SLC24A4: variants seen among roughly 807,000 people sequenced by gnomAD.
SLC24A4 encodes sodium/potassium/calcium exchanger 4.
A neutral mutation model predicts 79.0 loss-of-function variants in SLC24A4; 53 were observed. The observed-to-expected ratio is 0.67, with a 90% CI of 0.54 to 0.84. The LOEUF (loss-of-function observed/expected upper bound fraction) is 0.84. SLC24A4 is among the 40% of genes least tolerant of loss of function. SLC24A4 has a pLI of 0.00. For synonymous variants in SLC24A4, 323 were observed against 323.8 expected, an observed-to-expected ratio of 1.00 and a Z score of 0.03; for missense variants, 731 against 822.0, an observed-to-expected ratio of 0.89 and a Z score of 1.35.
chr14:92,338,694 T>C (rs1566695415), intron 2 of SLC24A4, among the ~76,000 whole-genome samples: 2 of 152,158 alleles, frequency 1.3e-5, no homozygotes, highest in African/African-American at 2.4e-5. Flanking sequence ...ACCTAAGATA[T>C]CTGTTTACTA....
At chr14:92,355,922 T>G (rs1005597342) in intron 2 of SLC24A4, among the ~76,000 whole-genome samples, 7 of 152,214 alleles carry the variant, frequency 4.6e-5, no homozygotes, top group Admixed American at 4.6e-4. Context: ...CTGGAAGGTC[T>G]GAGGGCTGAG....
intron 2 of SLC24A4, among the ~76,000 whole-genome samples, chr14:92,382,588 A>G (rs569419029): frequency 1.3e-3 from 199 of 152,254 alleles, no homozygotes; most frequent in African/African-American, 4.7e-3. Context: ...CCCACACCCT[A>G]TGAGGTCGGT....
chr14:92,414,681 A>G (rs1890887440), intron 2 of SLC24A4, among the ~76,000 whole-genome samples: 1 of 152,210 alleles, frequency 6.6e-6, no homozygotes, highest in Non-Finnish European at 1.5e-5. Flanking sequence ...TTGAGGCTGC[A>G]GTGAGCTGTG....
upstream of SLC24A4, chr14:92,323,048 G>C (rs895221404): frequency 6.6e-6 from 1 of 152,314 alleles, no homozygotes; most frequent in Non-Finnish European, 1.5e-5. The surrounding 1 kb of genome is among the most constrained non-coding windows in gnomAD (Gnocchi z 4.9). Context: ...AAGAGTGCAC[G>C]GGGGAGTGCG....
chr14:92,357,157 T>G (rs980582334), intron 2 of SLC24A4, among the ~76,000 whole-genome samples: 1 of 152,216 alleles, frequency 6.6e-6, no homozygotes, highest in Admixed American at 6.5e-5. Flanking sequence ...AACTTGATGT[T>G]TCATTCTTCC....
chr14:92,418,282 C>T (rs73337476), intron 2 of SLC24A4, among the ~76,000 whole-genome samples: 14,371 of 152,164 alleles, frequency 0.094, 1,140 homozygotes, highest in African/African-American at 0.2. Flanking sequence ...CCCTGGCTCA[C>T]GGCTGTGAGG....
intron 2 of SLC24A4, among the ~76,000 whole-genome samples, chr14:92,412,325 G>A (rs536119090): frequency 6.6e-6 from 1 of 152,294 alleles, no homozygotes; most frequent in East Asian, 1.9e-4. Context: ...GGTTGTTTGT[G>A]TGGGACCAGC....
At chr14:92,361,240 G>A (rs1408791115) in intron 2 of SLC24A4, among the ~76,000 whole-genome samples, 4 of 151,374 alleles carry the variant, frequency 2.6e-5, no homozygotes, top group Non-Finnish European at 5.9e-5. Flanking sequence ...GCTGAAGATA[G>A]CATTTGAAAA....
At chr14:92,377,237 A>C (rs757042604) in intron 2 of SLC24A4, among the ~76,000 whole-genome samples, 2 of 152,194 alleles carry the variant, frequency 1.3e-5, no homozygotes, top group South Asian at 4.1e-4. Context: ...AGAATTATAC[A>C]TGTCAAGGCC....
intron 2 of SLC24A4, among the ~76,000 whole-genome samples, chr14:92,371,744 C>A (rs1228427075): frequency 6.6e-6 from 1 of 152,190 alleles, no homozygotes; most frequent in Non-Finnish European, 1.5e-5. Flanking sequence ...AGACAAAGAA[C>A]CTTAAATGTC....
chr14:92,477,996 A>G (rs564516211), intron 12 of SLC24A4, among the ~76,000 whole-genome samples: 2 of 150,634 alleles, frequency 1.3e-5, no homozygotes, highest in East Asian at 4.0e-4. Flanking sequence ...TAGTAGAGAC[A>G]GGGTTTCACC....
intron 12 of SLC24A4, among the ~76,000 whole-genome samples, chr14:92,476,287 G>T (rs368866361): frequency 6.6e-6 from 1 of 152,296 alleles, no homozygotes; most frequent in South Asian, 2.1e-4. Flanking sequence ...AGAGAAGAAC[G>T]TGGAATTTTG....
chr14:92,335,336 T>TTTTTTGTTTTTG (rs57448091), intron 2 of SLC24A4, among the ~76,000 whole-genome samples: 2 of 151,262 alleles, frequency 1.3e-5, no homozygotes, highest in Non-Finnish European at 2.9e-5. Flanking sequence ...CATGCCATGT[T>TTTTTTGTTTTTG]TTTTTGTTTT....
intron 2 of SLC24A4, among the ~76,000 whole-genome samples, chr14:92,395,761 G>C (rs1184550984): frequency 6.6e-6 from 1 of 152,154 alleles, no homozygotes; most frequent in Non-Finnish European, 1.5e-5. Flanking sequence ...GAGGAAGCAT[G>C]CTTTAGGGGT....
chr14:92,450,365 G>A (rs1893065414), intron 10 of SLC24A4: 1 of 143,312 alleles, frequency 7.0e-6, no homozygotes, highest in African/African-American at 2.6e-5. Context: ...CCTGTCTCAG[G>A]TAACCCCCAA....
intron 2 of SLC24A4, among the ~76,000 whole-genome samples, chr14:92,344,932 A>T (rs941439029): frequency 6.6e-6 from 1 of 152,170 alleles, no homozygotes; most frequent in African/African-American, 2.4e-5. Flanking sequence ...TAAATGTAAG[A>T]TGTCTGGAGA....
Position 92,484,718 on chromosome 14 carries a change from T to C in SLC24A4, c.1422+1872T>C, listed in dbSNP as rs1895260758. 5.1e-6 allele frequency: 5 copies of C among 985,290 alleles called. No homozygotes were observed. The Admixed American group carries it at 3.1e-4, about 61-fold the overall frequency. The allele number at this position is 985,290 out of a possible 1,614,324, so 61.0% of individuals were successfully genotyped here. On this transcript the variant is annotated intron_variant, in intron 13 of 16. Coordinates refer to ENST00000532405, the MANE Select transcript of SLC24A4 (RefSeq NM_153646.4). ...TTGAACATTCAAGTCCCCCAGAACC[T>C]CATTCATGTCCCTCCTGACCACTCC... is the stretch of plus-strand genomic sequence containing the variant.
chr14:92,357,720 A>G (rs76482062), intron 2 of SLC24A4, among the ~76,000 whole-genome samples: 9,161 of 152,268 alleles, frequency 0.06, 396 homozygotes, highest in Non-Finnish European at 0.084. Flanking sequence ...TAATGGGCAC[A>G]GAGTTTCGGT....
chr14:92,324,193 G>C (rs547647548), intron 1 of SLC24A4, among the ~76,000 whole-genome samples: 1 of 152,204 alleles, frequency 6.6e-6, no homozygotes, highest in East Asian at 1.9e-4. Context: ...CTCAGGACGC[G>C]GCTGCAGGTG....
Sources: gnomAD v4.1 joint callset for allele counts (sites outside exome capture counted in the v4.1 genomes callset) on GRCh38, gnomAD v4.1.1 for gene constraint, Gnocchi (gnomAD v3.1) non-coding constraint, MANE v1.5 for transcripts, NCBI Gene and HGNC (gene_info 2026-07-23, HGNC 2026-07-21) for gene names.